The following TMEM259 variants were observed in gnomAD, a reference collection of about 807,000 sequenced individuals.
The protein encoded by TMEM259 is transmembrane protein 259.
In TMEM259, 26 loss-of-function variants were observed where a neutral mutation model predicts 46.7. That is an observed-to-expected ratio of 0.56 (90% CI 0.41 to 0.77). The LOEUF is 0.77. TMEM259 is among the 30% of genes least tolerant of loss of function. TMEM259 has a pLI of 0.00. For synonymous variants in TMEM259, 494 were observed against 395.1 expected, an observed-to-expected ratio of 1.25 and a Z score of -2.97; for missense variants, 930 against 900.5, an observed-to-expected ratio of 1.03 and a Z score of -0.42.
At chr19:1,013,370 C>T (rs372612031) in intron 2 of TMEM259, 30 bp from the exon 3 acceptor site, 60 of 1,610,052 alleles carry the variant, frequency 3.7e-5, no homozygotes, top group Admixed American at 6.7e-5. Flanking sequence ...TGGGTGTCAG[C>T]AGCGCCAGCC....
In TMEM259 at chr19:1,010,717, G is replaced by T. The variant is rs1457989131; in HGVS notation, c.1496C>A (p.Pro499His). The T allele has an allele frequency of 1.3e-6, 2 of 1,528,966 alleles. No individual in the cohort carries two copies. The highest frequency in any genetic ancestry group is 2.5e-5 in the East Asian group (1 of 40,776). 94.7% of individuals were successfully genotyped at this position (1,528,966 alleles called of 1,614,324 possible). Residue 499 changes from proline (P) to histidine (H), a missense_variant, in exon 11 of 11, where the codon CCC (proline) becomes CAC (histidine). Transcript: ENST00000356663. Reference sequence around the variant, plus strand: ...AGGCGAGACGGGGCCCAGGGCGGGGGGCTGGCCGGCAGAGTCAGGGGCTGT... The same window carrying T: ...AGGCGAGACGGGGCCCAGGGCGGGGTGCTGGCCGGCAGAGTCAGGGGCTGT... The part of the protein sequence containing the change: ...PATAPDSAGQ[P>H]PALGPVSPGA...
Position 1,009,674 on chromosome 19 carries a change from T to A in TMEM259, c.*676A>T. On this transcript the variant is annotated 3_prime_UTR_variant, in exon 11 of 11. Coordinates refer to ENST00000356663, the MANE Select transcript of TMEM259 (RefSeq NM_001033026.2). ...GAGCCGCTGTCAACAGACAGTTTAT[T>A]CTATATACAAACACAATTTTGTACA... 3 of 1,215,924 alleles carry A rather than the reference T, an allele frequency of 2.5e-6. No homozygotes were observed. The highest frequency in any genetic ancestry group is 2.1e-6 in the Non-Finnish European group (2 of 935,560). 75.3% of individuals were successfully genotyped at this position (1,215,924 alleles called of 1,614,324 possible).
In TMEM259 at chr19:1,012,086, G is replaced by C. The variant is rs900181278; in HGVS notation, c.821C>G (p.Ala274Gly). ...DILMSSVKGL[A>G]ENEENKGFLR... Reference sequence around the variant, plus strand: ...CTCACCCTTGTTCTCCTCGTTCTCGGCCAGGCCCTTCACGCTGGACATGAG... The same window carrying C: ...CTCACCCTTGTTCTCCTCGTTCTCGCCCAGGCCCTTCACGCTGGACATGAG... Residue 274 changes from alanine (A) to glycine (G), a missense_variant, in exon 5 of 11, where the codon GCC becomes GGC. By Grantham distance (60) the Ala-to-Gly change is moderately conservative. Transcript: ENST00000356663. 1 of 1,611,962 alleles carries C rather than the reference G, an allele frequency of 6.2e-7. No homozygotes were observed.
Position 1,010,334 on chromosome 19 carries a change from G to A in TMEM259, c.*16C>T, listed in dbSNP as rs1467831024. 7.5e-6 allele frequency: 11 copies of A among 1,461,670 alleles called. No individual in the cohort carries two copies. The highest frequency in any genetic ancestry group is 5.3e-5 in the East Asian group (2 of 37,956). 90.5% of individuals were successfully genotyped at this position (1,461,670 alleles called of 1,614,324 possible). On this transcript the variant is annotated 3_prime_UTR_variant, in exon 11 of 11. Transcript: ENST00000356663. ...GGCCCAGCCAGCAGGGGTCAGAGGCGGCTCAGCTGTGCGGCTCAGGACCCC... is the reference window on the plus strand; with the variant it reads ...GGCCCAGCCAGCAGGGGTCAGAGGCAGCTCAGCTGTGCGGCTCAGGACCCC...
At chr19:1,014,028 C>G (rs371146471) in intron 2 of TMEM259, among the ~76,000 whole-genome samples, 164 bp downstream of exon 2, 207 of 152,360 alleles carry the variant, frequency 1.4e-3, no homozygotes, top group African/African-American at 4.2e-3. Flanking sequence ...TCAGAGCCCC[C>G]AGGCCACCAA....
chr19:1,013,395 C>G (rs1192146960), intron 2 of TMEM259, 55 bp from the exon 3 acceptor site: 2 of 1,558,978 alleles, frequency 1.3e-6, no homozygotes, highest in South Asian at 2.2e-5. Flanking sequence ...CTGTGAGGGC[C>G]CAGCCTGAGG....
At chr19:1,017,990 C>T (rs140100071) in intron 1 of TMEM259, among the ~76,000 whole-genome samples, 26 of 152,278 alleles carry the variant, frequency 1.7e-4, no homozygotes, top group African/African-American at 5.8e-4. Flanking sequence ...TCACATACCC[C>T]GTCTTTAATC....
At position 1,010,357 on chromosome 19, in the gene TMEM259, C is replaced by A; in HGVS notation, c.1856G>T (p.Gly619Val). ...MAPTEAPSEV[G>V]S ...GCGGCTCAGCTGTGCGGCTCAGGACCCCACCTCCGAGGGCGCCTCCGTTGG... is the reference window on the plus strand; with the variant it reads ...GCGGCTCAGCTGTGCGGCTCAGGACACCACCTCCGAGGGCGCCTCCGTTGG... The change falls in exon 11 of 11, where the codon GGG (glycine) becomes GTG (valine). Residue 619 changes from glycine to valine, a missense_variant. Transcript: ENST00000356663. 1.3e-6 allele frequency: 2 copies of A among 1,490,384 alleles called. No individual in the cohort carries two copies. The highest frequency in any genetic ancestry group is 2.5e-5 in the East Asian group (1 of 40,158). The allele number at this position is 1,490,384 out of a possible 1,614,324, so 92.3% of individuals were successfully genotyped here. A position where few individuals can be genotyped will look rare whatever the true frequency, so the allele number is the denominator to read the frequency against.
intron 1 of TMEM259, chr19:1,017,298 C>A (rs1026834436): frequency 1.1e-4 from 44 of 399,844 alleles, no homozygotes; most frequent in Non-Finnish European, 1.9e-4. Flanking sequence ...CTCCCATGGG[C>A]CCCTGGCCAC....
At chr19:1,011,857 C>G in intron 6 of TMEM259, 35 bp downstream of exon 6, 1 of 1,591,614 alleles carries the variant, frequency 6.3e-7, no homozygotes, top group Non-Finnish European at 8.6e-7. Context: ...TGGCTCCCGC[C>G]CGGCCAGCCC....
intron 3 of TMEM259, among the ~76,000 whole-genome samples, chr19:1,012,900 A>G (rs1484278575): frequency 6.6e-6 from 1 of 151,886 alleles, no homozygotes; most frequent in Non-Finnish European, 1.5e-5. Flanking sequence ...CTCTGGATAG[A>G]CCCTCTGCTG....
intron 3 of TMEM259, among the ~76,000 whole-genome samples, chr19:1,012,793 G>A (rs1056013993): frequency 5.3e-5 from 8 of 152,160 alleles, no homozygotes; most frequent in Non-Finnish European, 8.8e-5. Context: ...TCCTCCTCCC[G>A]TGGCCCCCTC....
chr19:1,020,641 G>A lies in TMEM259; in HGVS notation c.225+131C>T. The A allele has an allele frequency of 1.8e-6, 1 of 555,546 alleles. No individual in the cohort carries two copies. The highest frequency in any genetic ancestry group is 2.7e-6 in the Non-Finnish European group (1 of 367,430). 34.4% of individuals were successfully genotyped at this position (555,546 alleles called of 1,614,324 possible). Reference sequence around the variant, plus strand: ...AGGGAGAGCCCTAATCGGTAGGGCCGGGTATAGGCCTCAGGGTGCAGGGTG... The same window carrying A: ...AGGGAGAGCCCTAATCGGTAGGGCCAGGTATAGGCCTCAGGGTGCAGGGTG... On this transcript the variant is annotated intron_variant, in intron 1 of 10. Transcript: ENST00000356663. The surrounding 1 kb of genome is among the most constrained non-coding windows in gnomAD (Gnocchi z 4.0).
intron 7 of TMEM259, 23 bp from the exon 8 acceptor site, chr19:1,011,686 G>A (rs1375927950): frequency 4.6e-6 from 7 of 1,535,912 alleles, no homozygotes; most frequent in African/African-American, 1.4e-5. Context: ...GGCGGCGGGC[G>A]CCCGGTGAGG....
chr19:1,016,088 A>G (rs1337750244), intron 1 of TMEM259, among the ~76,000 whole-genome samples: 1 of 148,670 alleles, frequency 6.7e-6, no homozygotes, highest in Admixed American at 6.7e-5. Flanking sequence ...AAAGAGCCGC[A>G]GGGGATGAAG....
In TMEM259 at chr19:1,020,193, G is replaced by C. The variant is rs1173255095; in HGVS notation, c.225+579C>G. 4.8e-5 allele frequency among the ~76,000 whole-genome samples: 6 copies of C among 125,358 alleles called. No homozygotes were observed. The highest frequency in any genetic ancestry group is 6.9e-5 in the Non-Finnish European group (4 of 58,322). 82.2% of individuals were successfully genotyped at this position (125,358 alleles called of 152,430 possible). A position where few individuals can be genotyped will look rare whatever the true frequency, so the allele number is the denominator to read the frequency against. ...GACCTCAGCTAAGTCACATTCCCCT[G>C]AGGCTCAGGAGCGGGGAACGCAGCT... On this transcript the variant is annotated intron_variant, in intron 1 of 10. Transcript: ENST00000356663. This position sits in a 1 kb window ranked among gnomAD's most constrained non-coding sequence, Gnocchi z 4.0.
Position 1,011,677 on chromosome 19 carries a change from G to A in TMEM259, c.1001-14C>T. 1 of 1,539,934 alleles carries A rather than the reference G, an allele frequency of 6.5e-7. No individual in the cohort carries two copies. The highest frequency in any genetic ancestry group is 8.8e-7 in the Non-Finnish European group (1 of 1,141,360). ...GCAGCAGGTCCACTGCGGGCACAGGGCGGCGGGCGCCCGGTGAGGGCCTGG... is the reference window on the plus strand; with the variant it reads ...GCAGCAGGTCCACTGCGGGCACAGGACGGCGGGCGCCCGGTGAGGGCCTGG... On this transcript the variant is annotated splice_polypyrimidine_tract_variant and intron_variant, in intron 7 of 10. Coordinates refer to ENST00000356663, the MANE Select transcript of TMEM259 (RefSeq NM_001033026.2).
In TMEM259 at chr19:1,009,951, G is replaced by C. The variant is rs1409050623; in HGVS notation, c.*399C>G. On this transcript the variant is annotated 3_prime_UTR_variant, in exon 11 of 11. Transcript: ENST00000356663. ...ACTGCAGGGAGCACCAGGCAGAGCC[G>C]GGCTGAGGCCGGCCGGCACTAGGGC... 6.2e-6 allele frequency: 2 copies of C among 321,234 alleles called. No individual in the cohort carries two copies. The highest frequency in any genetic ancestry group is 1.1e-5 in the Non-Finnish European group (2 of 175,918). 19.9% of individuals were successfully genotyped at this position (321,234 alleles called of 1,614,324 possible).
rs539253760 is a variant in TMEM259, at chr19:1,016,215, G to A, written c.226-1742C>T. Among the ~76,000 whole-genome samples, 1,296 of 152,330 alleles carry A rather than the reference G, an allele frequency of 8.5e-3. 14 individuals are homozygous for A. Among genetic ancestry groups the A allele is most frequent in the Non-Finnish European group, 0.015 (1,054 of 68,022 alleles). On this transcript the variant is annotated intron_variant, in intron 1 of 10. Coordinates refer to ENST00000356663, the MANE Select transcript of TMEM259 (RefSeq NM_001033026.2). Reference sequence around the variant, plus strand: ...CAAATGAGGGGTGGGCGGGGGGAGGGGGCAGGGCCCTCTGCTGGGGAGGGT... The same window carrying A: ...CAAATGAGGGGTGGGCGGGGGGAGGAGGCAGGGCCCTCTGCTGGGGAGGGT...
Sources: gnomAD v4.1 joint callset for allele counts (sites outside exome capture counted in the v4.1 genomes callset) on GRCh38, gnomAD v4.1.1 for gene constraint, Gnocchi (gnomAD v3.1) non-coding constraint, MANE v1.5 for transcripts, NCBI Gene and HGNC (gene_info 2026-07-23, HGNC 2026-07-21) for gene names.